Variants in TTC29 observed in about 807,000 individuals in gnomAD.
TTC29 encodes the protein tetratricopeptide repeat domain 29.
In TTC29, 49 loss-of-function variants were observed where a neutral mutation model predicts 58.1. The observed-to-expected ratio is 0.84, with a 90% CI of 0.67 to 1.07. The LOEUF is 1.07. Ranked by LOEUF, TTC29 falls within the 50% of genes least tolerant of loss-of-function variation. The pLI, the probability that TTC29 is intolerant of heterozygous loss-of-function variation, is 0.00. For synonymous variants in TTC29, 209 were observed against 196.8 expected (o/e 1.06, Z -0.52); for missense variants, 582 against 555.6 (o/e 1.05, Z -0.48).
chr4:146,942,843 C>T, intron 2 of TTC29: 1 of 432,114 alleles, frequency 2.3e-6, no homozygotes, highest in Non-Finnish European at 4.1e-6. Context: ...TTCATAATTG[C>T]AGGGGTCTTT....
At chr4:146,754,420 T>G (rs559709522) in intron 11 of TTC29, among the ~76,000 whole-genome samples, 1 of 152,030 alleles carries the variant, frequency 6.6e-6, no homozygotes, top group Non-Finnish European at 1.5e-5. Flanking sequence ...GAACATATTT[T>G]AAGAAGATAG....
chr4:146,756,913 A>G (rs1388779408), intron 11 of TTC29, among the ~76,000 whole-genome samples: 1 of 151,952 alleles, frequency 6.6e-6, no homozygotes. Context: ...ACCTATTTCC[A>G]TGAATATTTC....
chr4:146,931,038 C>T (rs188178107), intron 4 of TTC29, among the ~76,000 whole-genome samples: 63 of 152,194 alleles, frequency 4.1e-4, no homozygotes, highest in African/African-American at 1.4e-3. Context: ...TTTATTACAA[C>T]TTGAAATTTT....
At chr4:146,866,412 T>C (rs1172884864) in intron 8 of TTC29, among the ~76,000 whole-genome samples, 1 of 152,174 alleles carries the variant, frequency 6.6e-6, no homozygotes, top group African/African-American at 2.4e-5. Context: ...GTAAATCCTG[T>C]CTCTCAAAAA....
intron 11 of TTC29, among the ~76,000 whole-genome samples, chr4:146,783,880 A>G (rs1162025453): frequency 2.0e-5 from 3 of 152,088 alleles, no homozygotes; most frequent in Admixed American, 2.0e-4. Context: ...GAACTATGGG[A>G]TCCACAGATT....
chr4:146,836,047 C>T (rs1294399173), intron 8 of TTC29, among the ~76,000 whole-genome samples: 1 of 152,100 alleles, frequency 6.6e-6, no homozygotes, highest in African/African-American at 2.4e-5. Flanking sequence ...TCCTAGCCTT[C>T]CATACCCAAC....
intron 10 of TTC29, among the ~76,000 whole-genome samples, chr4:146,817,470 A>G (rs926497376): frequency 1.3e-5 from 2 of 152,166 alleles, no homozygotes; most frequent in African/African-American, 4.8e-5. Context: ...ATGCTCATGG[A>G]TAGGAAGAAT....
At chr4:146,791,002 C>T (rs1749409110) in intron 11 of TTC29, among the ~76,000 whole-genome samples, 1 of 152,158 alleles carries the variant, frequency 6.6e-6, no homozygotes, top group African/African-American at 2.4e-5. Context: ...TTTTGTATCC[C>T]TGTTACCAAG....
At chr4:146,810,235 G>C (rs1336407844) in intron 10 of TTC29, among the ~76,000 whole-genome samples, 1 of 152,122 alleles carries the variant, frequency 6.6e-6, no homozygotes, top group Non-Finnish European at 1.5e-5. Flanking sequence ...ACAGGGAAGG[G>C]AACATCACAT....
chr4:146,774,172 A>G (rs1747926527), intron 11 of TTC29, among the ~76,000 whole-genome samples: 1 of 152,074 alleles, frequency 6.6e-6, no homozygotes, highest in Non-Finnish European at 1.5e-5. Flanking sequence ...TTCTTTCAAA[A>G]AACCAACTCC....
chr4:146,853,311 A>C (rs925532470), intron 8 of TTC29, among the ~76,000 whole-genome samples: 2 of 152,150 alleles, frequency 1.3e-5, no homozygotes, highest in African/African-American at 2.4e-5. Context: ...ATTTTCATAT[A>C]TTATTTATGC....
chr4:146,727,227 C>T (rs7690831), intron 11 of TTC29, among the ~76,000 whole-genome samples: 7 of 151,978 alleles, frequency 4.6e-5, no homozygotes, highest in South Asian at 2.1e-4. Context: ...AGAGCAGTTT[C>T]GGTTTACAGC....
At chr4:146,855,823 T>A (rs946867391) in intron 8 of TTC29, among the ~76,000 whole-genome samples, 2 of 152,236 alleles carry the variant, frequency 1.3e-5, no homozygotes, top group Non-Finnish European at 2.9e-5. Context: ...GAATTATACA[T>A]AATTTGGCTA....
At chr4:146,863,069 C>T (rs1730346045) in intron 8 of TTC29, among the ~76,000 whole-genome samples, 4 of 151,198 alleles carry the variant, frequency 2.6e-5, no homozygotes. Context: ...TTGCAGGGAA[C>T]CGAGATCGTG....
intron 2 of TTC29, among the ~76,000 whole-genome samples, chr4:146,944,549 G>A (rs1736741551): frequency 6.6e-6 from 1 of 152,124 alleles, no homozygotes; most frequent in Admixed American, 6.5e-5. Flanking sequence ...CTATGTAAAT[G>A]GAGGCTACTT....
intron 2 of TTC29, chr4:146,942,645 A>G (rs1163252003): frequency 5.9e-6 from 9 of 1,531,034 alleles, no homozygotes; most frequent in Admixed American, 3.9e-5. Context: ...TACAGTGAAC[A>G]TCGGAATCAT....
chr4:146,857,857 TA>T (rs1415637486), intron 8 of TTC29, among the ~76,000 whole-genome samples: 3 of 152,176 alleles, frequency 2.0e-5, no homozygotes, highest in Non-Finnish European at 2.9e-5. Context: ...ATTAACAAAT[TA>T]ATAATAAAAT....
chr4:146,849,593 G>T (rs932449792), intron 8 of TTC29, among the ~76,000 whole-genome samples: 1 of 151,962 alleles, frequency 6.6e-6, no homozygotes, highest in African/African-American at 2.4e-5. Context: ...GAAGATCAAT[G>T]ATTAGAGGTA....
At chr4:146,822,121 T>TA (rs200326558) in intron 9 of TTC29, among the ~76,000 whole-genome samples, 19,674 of 143,194 alleles carry the variant, frequency 0.14, 2,471 homozygotes, top group African/African-American at 0.33. Flanking sequence ...TATTTTCTTT[T>TA]AAAAAAAAAA....
Sources: allele counts gnomAD v4.1 joint callset (sites outside exome capture counted in the v4.1 genomes callset), GRCh38; gene constraint gnomAD v4.1.1; transcripts MANE v1.5; gene names NCBI Gene and HGNC (gene_info 2026-07-23, HGNC 2026-07-21).